The following TRUB2 variants were observed in gnomAD, a reference collection of about 807,000 sequenced individuals.
TRUB2 encodes the protein TruB pseudouridine synthase family member 2.
A neutral mutation model predicts 31.9 loss-of-function variants in TRUB2; 31 were observed. That is an observed-to-expected ratio of 0.97 (90% CI 0.73 to 1.31). TRUB2 has a LOEUF of 1.31. Ranked by LOEUF, TRUB2 falls within the 50% of genes most tolerant of loss-of-function variation. TRUB2 has a pLI of 0.00. For synonymous variants in TRUB2, 201 were observed against 182.6 expected, an observed-to-expected ratio of 1.10 and a Z score of -0.81; for missense variants, 451 against 439.6, an observed-to-expected ratio of 1.03 and a Z score of -0.23.
At chr9:128,309,908 T>G (rs1327945942) in intron 7 of TRUB2, 33 bp from the exon 8 acceptor site, 1 of 1,601,738 alleles carries the variant, frequency 6.2e-7, no homozygotes, top group Admixed American at 1.7e-5. Flanking sequence ...GACATGGTGG[T>G]GAGAGCACAG....
intron 5 of TRUB2, among the ~76,000 whole-genome samples, chr9:128,312,464 T>C (rs1335360108): frequency 1.3e-5 from 2 of 150,626 alleles, no homozygotes; most frequent in African/African-American, 4.9e-5. Flanking sequence ...GGAATCTCGC[T>C]CTGTTGCCCA....
rs41313867 is a variant in TRUB2, at chr9:128,309,577, C to G, written c.969G>C (p.Leu323Phe). Residue 323 changes from leucine (L) to phenylalanine (F), a missense_variant, in exon 8 of 8, where the codon TTG (leucine) becomes TTC (phenylalanine). Leu to Phe is a conservative substitution (Grantham distance 22). Coordinates refer to ENST00000372890, the MANE Select transcript of TRUB2 (RefSeq NM_015679.3). ...SWDSQGPSST[L>F]GLERGAGQ is the part of the protein sequence containing the mutation. Reference sequence around the variant, plus strand: ...ACTGCCCCGCACCCCTCTCCAGCCCCAAGGTAGAGCTCGGGCCCTGGGAGT... The same window carrying G: ...ACTGCCCCGCACCCCTCTCCAGCCCGAAGGTAGAGCTCGGGCCCTGGGAGT... The G allele has an allele frequency of 4.2e-3, 6,703 of 1,613,036 alleles. 23 individuals carry two copies. The highest frequency in any genetic ancestry group is 5.0e-3 in the South Asian group (457 of 91,070).
At position 128,306,045 on chromosome 9, in the gene TRUB2, A is replaced by G. The variant is rs1235446840; in HGVS notation, c.*3505T>C. 6.6e-6 allele frequency: 1 copy of G among 152,152 alleles called. No homozygotes were observed. The highest frequency in any genetic ancestry group is 1.5e-5 in the Non-Finnish European group (1 of 68,026). The allele number at this position is 152,152 out of a possible 1,614,324, so 9.4% of individuals were successfully genotyped here. ...CTTAAACACCTCATGATGCTTACAC[A>G]TTTGGTACATTTTTAACAATCGTTG... is the stretch of plus-strand genomic sequence containing the variant. On this transcript the variant is annotated 3_prime_UTR_variant, in exon 8 of 8. Transcript: ENST00000372890.
At position 128,309,755 on chromosome 9, in the gene TRUB2, G is replaced by A. The variant is rs202074181; in HGVS notation, c.791C>T (p.Thr264Met). The A allele has an allele frequency of 2.5e-4, 400 of 1,614,238 alleles. 2 individuals carry two copies. In the South Asian group the frequency reaches 3.9e-3, roughly 16 times the overall value. ...GGTCCTCAGGAGGGCACTGTCTAGC[G>A]TGAAGAAGCCGTCGCGCGTGCGCCG... ...QVRRTRDGFF[T>M]LDSALLRTQW... The change falls in exon 8 of 8, where the codon ACG becomes ATG. Residue 264 changes from threonine to methionine, a missense_variant. Coordinates refer to ENST00000372890, the MANE Select transcript of TRUB2 (RefSeq NM_015679.3).
rs898940616 is a variant in TRUB2, at chr9:128,307,466, C to A, written c.*2084G>T. On this transcript the variant is annotated 3_prime_UTR_variant, in exon 8 of 8. Transcript: ENST00000372890. ...AAAAAACAGGCCGGAAACAGTGGCT[C>A]ATGCCTATATTCCCAGTACTTTGGA... 3 of 151,410 alleles carry A rather than the reference C, an allele frequency of 2.0e-5. No individual in the cohort carries two copies. Among genetic ancestry groups the A allele is most frequent in the African/African-American group, 7.3e-5 (3 of 41,140 alleles). 9.4% of individuals were successfully genotyped at this position (151,410 alleles called of 1,614,324 possible).
intron 1 of TRUB2, 116 bp from the exon 2 acceptor site, chr9:128,321,846 C>T: frequency 1.8e-6 from 2 of 1,142,294 alleles, no homozygotes; most frequent in South Asian, 1.5e-5. Context: ...ATGGCGCCAT[C>T]ATAGCTCACT....
intron 2 of TRUB2, 100 bp downstream of exon 2, chr9:128,321,499 C>G: frequency 6.3e-7 from 1 of 1,584,470 alleles, no homozygotes. Flanking sequence ...CTCTGTGGAC[C>G]TTCAAGGGCC....
In TRUB2 at chr9:128,322,350, C is replaced by T. The variant is rs1477784390; in HGVS notation, c.59G>A (p.Gly20Glu). ...HGLFAVYKPP[G>E]LKWKHLRDTV... ...ATCCCGCAGGTGCTTCCATTTTAGC[C>T]CCGGGGGCTTATAGACCGCGAAAAG... Residue 20 changes from glycine (G) to glutamate (E), a missense_variant, in exon 1 of 8, where the codon GGG (glycine) becomes GAG (glutamate). Physicochemically the swap from Gly to Glu is moderately conservative, Grantham distance 98. Coordinates refer to ENST00000372890, the MANE Select transcript of TRUB2 (RefSeq NM_015679.3). 8.1e-6 allele frequency: 13 copies of T among 1,614,150 alleles called. No homozygotes were observed. Among genetic ancestry groups the T allele is most frequent in the Non-Finnish European group, 8.5e-7 (1 of 1,180,034 alleles).
intron 3 of TRUB2, 30 bp from the exon 4 acceptor site, chr9:128,315,658 T>A (rs756724954): frequency 6.2e-7 from 1 of 1,607,552 alleles, no homozygotes; most frequent in Admixed American, 1.7e-5. Context: ...ATCTCACACC[T>A]GGGACCCCCT....
chr9:128,312,556 G>A (rs532399573), intron 5 of TRUB2, among the ~76,000 whole-genome samples: 1 of 151,440 alleles, frequency 6.6e-6, no homozygotes, highest in Non-Finnish European at 1.5e-5. Context: ...TCAGCCTCCC[G>A]AGTACCTGGG....
chr9:128,315,437 C>T (rs1414217854), intron 4 of TRUB2, 130 bp downstream of exon 4: 6 of 819,598 alleles, frequency 7.3e-6, no homozygotes, highest in African/African-American at 5.1e-5. Flanking sequence ...CTGCACAGCA[C>T]ACGATCATCA....
rs1332001587 is a variant in TRUB2 at position 128,315,599 on chromosome 9, G to A, written c.346C>T (p.Leu116Phe). Residue 116 changes from leucine to phenylalanine, a missense_variant, in exon 4 of 8, where the codon CTC becomes TTC. Leu to Phe is a conservative substitution (Grantham distance 22). Transcript: ENST00000372890. ...VLGVGHGCRLLTDMYNAHLTK... is the reference protein window; with the variant it reads ...VLGVGHGCRLFTDMYNAHLTK... ...AGATGAGCATTGTACATATCGGTGAGGAGCCTGCATCCATGTCCCACGCCG... is the reference window on the plus strand; with the variant it reads ...AGATGAGCATTGTACATATCGGTGAAGAGCCTGCATCCATGTCCCACGCCG... The A allele has an allele frequency of 6.2e-7, 1 of 1,613,640 alleles. No homozygotes were observed.
intron 2 of TRUB2, among the ~76,000 whole-genome samples, chr9:128,318,919 C>T (rs988757604): frequency 4.6e-5 from 7 of 152,106 alleles, no homozygotes; most frequent in East Asian, 1.9e-4. Flanking sequence ...CAAGGGCTCA[C>T]GCTTATAATC....
chr9:128,309,666 G>A lies in TRUB2; in HGVS notation c.880C>T (p.Leu294=), dbSNP rs750681440. 6.2e-7 allele frequency: 1 copy of A among 1,614,224 alleles called. No homozygotes were observed. The highest frequency in any genetic ancestry group is 1.7e-5 in the Admixed American group (1 of 60,014). ...RAATPQVAAE[L]EKSLSPGLDT... is the part of the protein sequence containing the mutation. ...AGCCCCGGGCTCAAGCTCTTCTCCA[G>A]CTCTGCAGCTACCTGAGGGGTAGCA... The change falls in exon 8 of 8, where the codon CTG becomes TTG. Residue 294 remains leucine, a synonymous_variant. Coordinates refer to ENST00000372890, the MANE Select transcript of TRUB2 (RefSeq NM_015679.3).
chr9:128,320,839 C>T (rs547825212), intron 2 of TRUB2, among the ~76,000 whole-genome samples: 8 of 151,036 alleles, frequency 5.3e-5, no homozygotes, highest in Admixed American at 4.0e-4. Flanking sequence ...GCCAGGCTGG[C>T]GTGCAGTGGC....
Position 128,313,885 on chromosome 9 carries a change from T to TA in TRUB2, c.382dup (p.Tyr128LeufsTer13). 1 of 1,614,014 alleles carries TA rather than the reference T, an allele frequency of 6.2e-7. No individual in the cohort carries two copies. Among genetic ancestry groups the TA allele is most frequent in the Non-Finnish European group, 8.5e-7 (1 of 1,179,918 alleles). On this transcript the variant is annotated frameshift_variant, in exon 5 of 8. Coordinates refer to ENST00000372890, the MANE Select transcript of TRUB2 (RefSeq NM_015679.3). LOFTEE classifies it high-confidence loss of function. ...TTTGCCCAGGAGGCCACGCACTGTG[T>TA]AATCCTTCAAGGACAGGGAGGTAAA...
chr9:128,321,990 G>A (rs564211511), intron 1 of TRUB2, among the ~76,000 whole-genome samples: 1 of 152,302 alleles, frequency 6.6e-6, no homozygotes, highest in African/African-American at 2.4e-5. Flanking sequence ...AGACAACAGG[G>A]AAGTATGATG....
At chr9:128,312,345 C>T (rs1339979860) in intron 5 of TRUB2, among the ~76,000 whole-genome samples, 1 of 151,636 alleles carries the variant, frequency 6.6e-6, no homozygotes, top group East Asian at 1.9e-4. Context: ...ACCATGTTGG[C>T]CAGGCTGGTC....
Position 128,309,817 on chromosome 9 carries a change from G to A in TRUB2, c.729C>T (p.Gly243=). 1 of 1,614,244 alleles carries A rather than the reference G, an allele frequency of 6.2e-7. No individual in the cohort carries two copies. Among genetic ancestry groups the A allele is most frequent in the Non-Finnish European group, 8.5e-7 (1 of 1,180,042 alleles). Residue 243 remains glycine, a synonymous_variant, in exon 8 of 8, where the codon GGC becomes GGT. Coordinates refer to ENST00000372890, the MANE Select transcript of TRUB2 (RefSeq NM_015679.3). The part of the protein sequence containing the change: ...KELRKLVHEI[G]LELKTTAVCT... ...AGACAGCAGTGGTCTTTAGTTCCAGGCCGATTTCATGAACCAACTTCCGCA... is the reference window on the plus strand; with the variant it reads ...AGACAGCAGTGGTCTTTAGTTCCAGACCGATTTCATGAACCAACTTCCGCA...
Sources: gnomAD v4.1 joint callset for allele counts (sites outside exome capture counted in the v4.1 genomes callset) on GRCh38, gnomAD v4.1.1 for gene constraint, MANE v1.5 for transcripts, NCBI Gene and HGNC (gene_info 2026-07-23, HGNC 2026-07-21) for gene names.